Variants in AHR observed in about 807,000 individuals in gnomAD.
The protein encoded by AHR is aryl hydrocarbon receptor.
A neutral mutation model predicts 86.8 loss-of-function variants in AHR; 40 were observed. The observed-to-expected ratio is 0.46, with a 90% CI of 0.36 to 0.60. The LOEUF (loss-of-function observed/expected upper bound fraction) is 0.60. Among genes scored for constraint, AHR ranks in the 20% least tolerant of loss-of-function variants. AHR has a pLI of 0.00. For synonymous variants in AHR, 398 were observed against 354.9 expected (o/e 1.12, Z -1.37); for missense variants, 1,001 against 1,011.6 (o/e 0.99, Z 0.14).
Position 17,310,008 on chromosome 7 carries a change from G to C in AHR, c.138G>C (p.Glu46Asp). ...SKRHRDRLNTELDRLASLLPF... is the reference protein window; with the variant it reads ...SKRHRDRLNTDLDRLASLLPF... ...GGCATAGAGACCGACTTAATACAGA[G>C]TTGGACCGTTTGGCTAGCCTGCTGC... Residue 46 changes from glutamate to aspartate, a missense_variant, in exon 2 of 11, where the codon GAG becomes GAC. By Grantham distance (45) the Glu-to-Asp change is conservative. This residue lies in a region of AHR where 394 missense variants were observed against 468.5 expected (regional missense o/e 0.84). Transcript: ENST00000242057. 6.2e-7 allele frequency: 1 copy of C among 1,613,948 alleles called. No individual in the cohort carries two copies. The highest frequency in any genetic ancestry group is 8.5e-7 in the Non-Finnish European group (1 of 1,179,892).
chr7:17,344,307 G>C lies in AHR; in HGVS notation c.*1243G>C, dbSNP rs1782458908. Reference sequence around the variant, plus strand: ...AAGTATTGTAATGAGTGAATTGAATGGTGCATTGTATAGATATAATGAACA... The same window carrying C: ...AAGTATTGTAATGAGTGAATTGAATCGTGCATTGTATAGATATAATGAACA... On this transcript the variant is annotated 3_prime_UTR_variant, in exon 11 of 11. Transcript: ENST00000242057. 1 of 152,614 alleles carries C rather than the reference G, an allele frequency of 6.6e-6. No homozygotes were observed. The allele number at this position is 152,614 out of a possible 1,614,324, so 9.5% of individuals were successfully genotyped here. A position where few individuals can be genotyped will look rare whatever the true frequency, so the allele number is the denominator to read the frequency against.
At chr7:17,338,234 ATACTT>A (rs1220394074) in intron 9 of AHR, among the ~76,000 whole-genome samples, 5 of 148,654 alleles carry the variant, frequency 3.4e-5, no homozygotes, top group Non-Finnish European at 3.0e-5. Context: ...AAAAATACAA[ATACTT>A]TAATATTAAG....
At chr7:17,329,031 A>T (rs1782257532) in intron 4 of AHR, among the ~76,000 whole-genome samples, 1 of 151,960 alleles carries the variant, frequency 6.6e-6, no homozygotes, top group Admixed American at 6.6e-5. Flanking sequence ...TGTGATTTAT[A>T]TTAGTAAGAA....
chr7:17,315,913 T>C (rs563602217), intron 2 of AHR, among the ~76,000 whole-genome samples: 1 of 152,080 alleles, frequency 6.6e-6, no homozygotes, highest in Non-Finnish European at 1.5e-5. Flanking sequence ...ATTTAGATTT[T>C]AGAGTCATTT....
At chr7:17,327,187 T>G (rs901155588) in intron 3 of AHR, among the ~76,000 whole-genome samples, 1 of 152,048 alleles carries the variant, frequency 6.6e-6, no homozygotes, top group African/African-American at 2.4e-5. Context: ...CATAATGACA[T>G]TAAATTTTAG....
At chr7:17,332,368 C>G (rs1305296084) in intron 6 of AHR, among the ~76,000 whole-genome samples, 2 of 151,482 alleles carry the variant, frequency 1.3e-5, no homozygotes, top group Admixed American at 1.3e-4. Context: ...TCAGGCAGGT[C>G]CTTCAGGAAA....
rs201336040 is a variant in AHR, at chr7:17,307,903, ACACC to A, written c.66-2029_66-2026del. Among the ~76,000 whole-genome samples the A allele has an allele frequency of 9.2e-5, 14 of 152,164 alleles. No individual in the cohort carries two copies. In the East Asian group the frequency reaches 2.7e-3, roughly 29 times the overall value. ...TCTATCTTGAACATTTTTGCATCAG[ACACC>A]CACATAGCTCACTTCATTTTACTCA... On this transcript the variant is annotated intron_variant, in intron 1 of 10. Transcript: ENST00000242057.
intron 2 of AHR, among the ~76,000 whole-genome samples, chr7:17,317,937 T>C (rs1489193628): frequency 6.6e-6 from 1 of 151,990 alleles, no homozygotes; most frequent in Non-Finnish European, 1.5e-5. Flanking sequence ...TATAGAGGAA[T>C]TGTATAAAAC....
At chr7:17,335,311 ATTCTAGT>A (rs1304461278) in intron 8 of AHR, among the ~76,000 whole-genome samples, 1 of 152,116 alleles carries the variant, frequency 6.6e-6, no homozygotes, top group African/African-American at 2.4e-5. Context: ...AGTGTTAATA[ATTCTAGT>A]TTAAAATTAT....
chr7:17,333,464 T>A (rs1782321441), intron 6 of AHR, among the ~76,000 whole-genome samples: 1 of 152,038 alleles, frequency 6.6e-6, no homozygotes, highest in Non-Finnish European at 1.5e-5. Context: ...TTAATAAAAT[T>A]ATATTTTGCC....
intron 2 of AHR, among the ~76,000 whole-genome samples, chr7:17,319,961 TA>T (rs1300001178): frequency 6.6e-6 from 1 of 152,072 alleles, no homozygotes; most frequent in Non-Finnish European, 1.5e-5. Flanking sequence ...TGATTAACCT[TA>T]AACACAAGAG....
At chr7:17,316,924 G>A (rs1330265150) in intron 2 of AHR, among the ~76,000 whole-genome samples, 1 of 152,050 alleles carries the variant, frequency 6.6e-6, no homozygotes, top group Non-Finnish European at 1.5e-5. Context: ...TAACCTCACT[G>A]TTCCACAGGG....
At chr7:17,312,908 A>G (rs1368218459) in intron 2 of AHR, among the ~76,000 whole-genome samples, 1 of 152,198 alleles carries the variant, frequency 6.6e-6, no homozygotes, top group Non-Finnish European at 1.5e-5. Context: ...TTTAACAAGC[A>G]TGTTACGGAG....
chr7:17,337,621 C>T (rs1253514459), intron 9 of AHR, among the ~76,000 whole-genome samples: 1 of 150,938 alleles, frequency 6.6e-6, no homozygotes, highest in African/African-American at 2.4e-5. Context: ...ACTACAGGCG[C>T]CCGCCACTAC....
intron 2 of AHR, among the ~76,000 whole-genome samples, chr7:17,310,812 A>G (rs1414886691): frequency 6.6e-6 from 1 of 152,204 alleles, no homozygotes; most frequent in Non-Finnish European, 1.5e-5. Context: ...CTGGGATTAC[A>G]GGCATGAGCC....
chr7:17,345,963 A>G lies in AHR; in HGVS notation c.*2899A>G, dbSNP rs938992433. The G allele has an allele frequency of 2.0e-5, 3 of 152,718 alleles. No homozygotes were observed. The highest frequency in any genetic ancestry group is 7.2e-5 in the African/African-American group (3 of 41,444). The allele number at this position is 152,718 out of a possible 1,614,324, so 9.5% of individuals were successfully genotyped here. On this transcript the variant is annotated 3_prime_UTR_variant, in exon 11 of 11. Transcript: ENST00000242057. The stretch of plus-strand genomic sequence containing the variant: ...TCTAGTGTATTATGAAGCTTTCAAC[A>G]TTACTATGCACAAACTAGTGTTTTT...
At chr7:17,302,808 A>T (rs561654760) in intron 1 of AHR, among the ~76,000 whole-genome samples, 124 of 150,558 alleles carry the variant, frequency 8.2e-4, no homozygotes, top group African/African-American at 2.7e-3. Context: ...GAACAAAAAA[A>T]AAATATATAT....
At chr7:17,321,956 A>T (rs1340739890) in intron 2 of AHR, among the ~76,000 whole-genome samples, 3 of 152,066 alleles carry the variant, frequency 2.0e-5, no homozygotes, top group Non-Finnish European at 4.4e-5. Flanking sequence ...TTAAATAGTC[A>T]CAGTAATTAA....
intron 10 of AHR, 80 bp from the exon 11 acceptor site, chr7:17,342,841 A>C (rs1481624503): frequency 7.2e-7 from 1 of 1,379,684 alleles, no homozygotes; most frequent in Non-Finnish European, 1.0e-6. Context: ...GATTTTAAAA[A>C]TACATGTTAA....
Sources: gnomAD v4.1 joint callset for allele counts (sites outside exome capture counted in the v4.1 genomes callset) on GRCh38, gnomAD v4.1.1 for gene constraint, gnomAD v4.1.1 regional missense constraint, MANE v1.5 for transcripts, NCBI Gene and HGNC (gene_info 2026-07-23, HGNC 2026-07-21) for gene names.